The following NID2 variants were observed in gnomAD, a reference collection of about 807,000 sequenced individuals.
The protein encoded by NID2 is nidogen-2.
Under a neutral mutation model 145.4 loss-of-function variants are expected in NID2, and 83 were observed. The observed-to-expected ratio is 0.57, with a 90% CI of 0.48 to 0.69. NID2 has a LOEUF of 0.69. Ranked by LOEUF, NID2 falls within the 30% of genes least tolerant of loss-of-function variation. The probability of loss-of-function intolerance (pLI) is 0.00; values close to 1 mark genes in which losing one functional copy is unlikely to be tolerated. For synonymous variants in NID2, 739 were observed against 701.3 expected, an observed-to-expected ratio of 1.05 and a Z score of -0.85; for missense variants, 1,807 against 1,765.7, an observed-to-expected ratio of 1.02 and a Z score of -0.42.
At chr14:52,011,453 C>T in intron 17 of NID2, 101 bp downstream of exon 17, 3 of 1,472,696 alleles carry the variant, frequency 2.0e-6, no homozygotes, top group Non-Finnish European at 9.3e-7. Context: ...AGAACTTAAC[C>T]TCCCCTAATG....
intron 2 of NID2, among the ~76,000 whole-genome samples, chr14:52,066,538 C>A (rs889845137): frequency 2.6e-5 from 4 of 152,064 alleles, no homozygotes; most frequent in African/African-American, 4.8e-5. Flanking sequence ...GTATTGCATG[C>A]CTGTACCAAA....
chr14:52,030,622 G>GAT (rs1566755921), intron 9 of NID2, among the ~76,000 whole-genome samples: 3 of 141,804 alleles, frequency 2.1e-5, no homozygotes, highest in African/African-American at 7.9e-5. Context: ...GAAAAAGAAA[G>GAT]AAAGAGAAAG....
intron 16 of NID2, among the ~76,000 whole-genome samples, chr14:52,013,500 C>T (rs763212282): frequency 1.6e-4 from 25 of 152,192 alleles, no homozygotes; most frequent in Non-Finnish European, 2.9e-4. Context: ...TAAATGTAAA[C>T]TTGAATGCCG....
chr14:52,061,015 A>C (rs1893007091), intron 2 of NID2, among the ~76,000 whole-genome samples: 2 of 152,210 alleles, frequency 1.3e-5, no homozygotes, highest in South Asian at 4.1e-4. Flanking sequence ...TGGGCCAGCC[A>C]GCTCTAGAGC....
intron 16 of NID2, among the ~76,000 whole-genome samples, chr14:52,012,679 T>G (rs1375007257): frequency 2.5e-5 from 3 of 121,024 alleles, no homozygotes; most frequent in Admixed American, 2.3e-4. Flanking sequence ...GTGAGGTCTC[T>G]CCTCCTCATT....
chr14:52,014,123 C>T, intron 16 of NID2, 164 bp downstream of exon 16: 1 of 817,470 alleles, frequency 1.2e-6, no homozygotes, highest in Non-Finnish European at 2.0e-6. Context: ...AAGAGAGAGC[C>T]CTGGTCCTAT....
At chr14:52,006,939 TTG>T (rs1430537707) in intron 19 of NID2, 1 of 241,920 alleles carries the variant, frequency 4.1e-6, no homozygotes, top group African/African-American at 2.3e-5. Context: ...TTTTTATAAT[TTG>T]TGTGATTTCA....
chr14:52,022,835 C>T (rs1045370396), intron 12 of NID2, among the ~76,000 whole-genome samples: 2 of 152,180 alleles, frequency 1.3e-5, no homozygotes, highest in Non-Finnish European at 1.5e-5. Flanking sequence ...CCCAGGCTCC[C>T]GCCCCTTCAC....
chr14:52,029,780 GT>G, intron 9 of NID2, 90 bp from the exon 10 acceptor site: 1 of 1,119,752 alleles, frequency 8.9e-7, no homozygotes, highest in Non-Finnish European at 1.3e-6. Context: ...CTGACTGCAT[GT>G]CTGTGTTTTG....
chr14:52,034,257 C>T (rs916713390), intron 9 of NID2, among the ~76,000 whole-genome samples: 2 of 152,208 alleles, frequency 1.3e-5, no homozygotes, highest in East Asian at 1.9e-4. Flanking sequence ...CCCAGAGACA[C>T]ATCTTTTTCC....
chr14:52,035,856 G>GTGTATATA (rs763855059), intron 9 of NID2, among the ~76,000 whole-genome samples: 3 of 65,294 alleles, frequency 4.6e-5, no homozygotes, highest in South Asian at 5.1e-4. Context: ...ATTTTTTTGT[G>GTGTATATA]TATATATATA....
At chr14:52,060,645 T>TAAAAAA (rs1892998073) in intron 2 of NID2, among the ~76,000 whole-genome samples, 1 of 152,350 alleles carries the variant, frequency 6.6e-6, no homozygotes, top group African/African-American at 2.4e-5. Context: ...AAAAAATATA[T>TAAAAAA]ACTTTGTAAG....
chr14:52,053,623 G>A lies in NID2; in HGVS notation c.1385C>T (p.Thr462Met), dbSNP rs149533842. 9.4e-4 allele frequency: 1,523 copies of A among 1,614,212 alleles called. 3 individuals are homozygous for A. Among genetic ancestry groups the A allele is most frequent in the Non-Finnish European group, 1.2e-3 (1,403 of 1,180,032 alleles). The change falls in exon 5 of 22, where the codon ACG becomes ATG. Residue 462 changes from threonine (T) to methionine (M), a missense_variant. Thr to Met is a moderately conservative substitution (Grantham distance 81). Coordinates refer to ENST00000216286, the MANE Select transcript of NID2 (RefSeq NM_007361.4). ...SGHTTPLSRG[T>M]YEVGLEDNIG... The stretch of plus-strand genomic sequence containing the variant: ...GTTGTCTTCCAGTCCCACCTCATAC[G>A]TCCCTCGACTTAAGGGTGTAGTGTG...
At chr14:52,065,424 G>A (rs1226172715) in intron 2 of NID2, among the ~76,000 whole-genome samples, 2 of 148,098 alleles carry the variant, frequency 1.4e-5, no homozygotes, top group Non-Finnish European at 3.0e-5. Flanking sequence ...GTAATTGAAA[G>A]AACATCCCCT....
intron 9 of NID2, among the ~76,000 whole-genome samples, chr14:52,030,325 G>A (rs2453950): frequency 0.93 from 141,726 of 152,028 alleles, 66,734 homozygotes; most frequent in Non-Finnish European, 1. Flanking sequence ...ATTACTTAAC[G>A]ACTGAAATCT....
intron 9 of NID2, among the ~76,000 whole-genome samples, chr14:52,037,461 G>T (rs540747861): frequency 6.6e-6 from 1 of 152,278 alleles, no homozygotes; most frequent in African/African-American, 2.4e-5. Context: ...CACTGTTGTT[G>T]AAAAAGCAAT....
intron 16 of NID2, 42 bp from the exon 17 acceptor site, chr14:52,011,725 T>G: frequency 6.2e-7 from 1 of 1,611,886 alleles, no homozygotes; most frequent in South Asian, 1.1e-5. Context: ...TTAGGTTACA[T>G]TTCCCCTTTG....
chr14:52,019,083 C>G lies in NID2; in HGVS notation c.3006G>C (p.Pro1002=), dbSNP rs1131484. ...PGTQTPPGST[P]PHCGPSPEPT... ...CACCTGGTGATGGTCCACAGTGAGG[C>G]GGGGTGGAGCCAGGTGGAGTCTGGG... Residue 1002 remains proline, a synonymous_variant, in exon 14 of 22, where the codon CCG becomes CCC. Coordinates refer to ENST00000216286, the MANE Select transcript of NID2 (RefSeq NM_007361.4). The G allele has an allele frequency of 1.2e-6, 2 of 1,613,916 alleles. No homozygotes were observed. The highest frequency in any genetic ancestry group is 2.7e-5 in the African/African-American group (2 of 75,010).
At chr14:52,057,834 C>G (rs1595054002) in intron 3 of NID2, among the ~76,000 whole-genome samples, 1 of 151,914 alleles carries the variant, frequency 6.6e-6, no homozygotes. Context: ...ATTCTCTCCA[C>G]TTTTCTGTAT....
Sources: allele counts gnomAD v4.1 joint callset (sites outside exome capture counted in the v4.1 genomes callset), GRCh38; gene constraint gnomAD v4.1.1; transcripts MANE v1.5; gene names NCBI Gene and HGNC (gene_info 2026-07-23, HGNC 2026-07-21).